The following SGCZ variants were observed in gnomAD, a reference collection of about 807,000 sequenced individuals.
SGCZ encodes the protein sarcoglycan zeta, also known as zeta-sarcoglycan.
In SGCZ, 40 loss-of-function variants were observed where a neutral mutation model predicts 41.3. The observed-to-expected ratio is 0.97, with a 90% CI of 0.75 to 1.26. The LOEUF (loss-of-function observed/expected upper bound fraction) is 1.26. Among genes scored for constraint, SGCZ ranks in the 50% most tolerant of loss-of-function variants. The pLI is 0.00. For missense variants in SGCZ, 552 were observed against 369.8 expected, an observed-to-expected ratio of 1.49 and a Z score of -4.04; for synonymous variants, 206 against 137.5, an observed-to-expected ratio of 1.50 and a Z score of -3.49.
intron 1 of SGCZ, among the ~76,000 whole-genome samples, chr8:14,781,481 G>A (rs911276110): frequency 1.3e-5 from 2 of 151,958 alleles, no homozygotes; most frequent in African/African-American, 2.4e-5. Context: ...TGCCCATCTC[G>A]GCCTCCCAAA....
At chr8:14,528,896 T>G (rs1004643529) in intron 2 of SGCZ, among the ~76,000 whole-genome samples, 7 of 151,196 alleles carry the variant, frequency 4.6e-5, no homozygotes, top group Non-Finnish European at 1.0e-4. Context: ...AAAGAAGCAT[T>G]TTTTTCATAT....
At chr8:14,104,300 G>C (rs190370358) in intron 6 of SGCZ, among the ~76,000 whole-genome samples, 86 of 152,174 alleles carry the variant, frequency 5.7e-4, no homozygotes, top group Admixed American at 1.8e-3. Flanking sequence ...GTGGGTACCT[G>C]GGATTATGGC....
At chr8:14,540,740 C>G (rs181155444) in intron 2 of SGCZ, among the ~76,000 whole-genome samples, 1 of 151,734 alleles carries the variant, frequency 6.6e-6, no homozygotes, top group Non-Finnish European at 1.5e-5. Context: ...GTAAGGCGTT[C>G]TGCTTCATAA....
intron 1 of SGCZ, among the ~76,000 whole-genome samples, chr8:14,573,717 T>C (rs972023700): frequency 2.0e-5 from 3 of 152,146 alleles, no homozygotes; most frequent in Non-Finnish European, 2.9e-5. Flanking sequence ...TTTACTTAAA[T>C]AAGGGTAGTA....
intron 1 of SGCZ, among the ~76,000 whole-genome samples, chr8:14,748,300 T>C (rs1158187201): frequency 6.6e-6 from 1 of 152,168 alleles, no homozygotes; most frequent in African/African-American, 2.4e-5. Context: ...GTTGGCAGAA[T>C]TCAATGCCCA....
chr8:14,479,316 G>T lies in SGCZ; in HGVS notation c.234+75416C>A, dbSNP rs571236536. On this transcript the variant is annotated intron_variant, in intron 2 of 7. Transcript: ENST00000382080. ...TCAACGGCAGGAAGCATTCAGCACGGGAGAAAAATAGAGGCCCGGAGACTC... is the reference window on the plus strand; with the variant it reads ...TCAACGGCAGGAAGCATTCAGCACGTGAGAAAAATAGAGGCCCGGAGACTC... Among the ~76,000 whole-genome samples the T allele has an allele frequency of 2.6e-5, 4 of 152,188 alleles. No individual in the cohort carries two copies. The South Asian group carries it at 6.2e-4, about 24-fold the overall frequency.
At chr8:14,610,755 A>G (rs1805901835) in intron 1 of SGCZ, among the ~76,000 whole-genome samples, 1 of 152,208 alleles carries the variant, frequency 6.6e-6, no homozygotes, top group South Asian at 2.1e-4. Context: ...CACTGCCTCA[A>G]GGAGAGGGAA....
At chr8:14,489,134 G>C (rs1337621385) in intron 2 of SGCZ, among the ~76,000 whole-genome samples, 1 of 151,738 alleles carries the variant, frequency 6.6e-6, no homozygotes, top group Non-Finnish European at 1.5e-5. Context: ...ATAAATTCCT[G>C]TGCATGTCAC....
In SGCZ at chr8:14,396,006, T is replaced by G. The variant is rs148192109; in HGVS notation, c.235-71802A>C. ...ACATCTAATGTATCCTCACTGTATG[T>G]GCGTTTATGATCGGAGAGAGGGTAC... On this transcript the variant is annotated intron_variant, in intron 2 of 7. Coordinates refer to ENST00000382080, the MANE Select transcript of SGCZ (RefSeq NM_139167.4). Among the ~76,000 whole-genome samples, 5 of 152,316 alleles carry G rather than the reference T, an allele frequency of 3.3e-5. No homozygotes were observed. In the East Asian group the frequency reaches 9.6e-4, roughly 29 times the overall value.
intron 1 of SGCZ, among the ~76,000 whole-genome samples, chr8:14,932,981 T>C (rs995370865): frequency 2.0e-5 from 3 of 151,960 alleles, no homozygotes; most frequent in African/African-American, 7.3e-5. Context: ...TTCTTGCTTA[T>C]AAGTAGGACC....
At chr8:14,668,396 A>G (rs530005431) in intron 1 of SGCZ, among the ~76,000 whole-genome samples, 6 of 152,248 alleles carry the variant, frequency 3.9e-5, no homozygotes, top group African/African-American at 1.4e-4. Context: ...TTGATTACTT[A>G]AAAAAATAAG....
At chr8:14,482,061 G>A (rs1042765607) in intron 2 of SGCZ, among the ~76,000 whole-genome samples, 2 of 152,136 alleles carry the variant, frequency 1.3e-5, no homozygotes, top group Non-Finnish European at 1.5e-5. Flanking sequence ...GGAGGACTAA[G>A]CGAGTATCTT....
intron 1 of SGCZ, among the ~76,000 whole-genome samples, chr8:15,187,209 C>G (rs1800375341): frequency 6.6e-6 from 1 of 152,084 alleles, no homozygotes; most frequent in South Asian, 2.1e-4. Context: ...TATTTCCTTT[C>G]AGCTCTATTC....
At chr8:14,369,016 T>C (rs1803815832) in intron 2 of SGCZ, among the ~76,000 whole-genome samples, 2 of 140,956 alleles carry the variant, frequency 1.4e-5, no homozygotes, top group African/African-American at 5.9e-5. Context: ...CAGAGGCAAA[T>C]GTAAATGTGT....
chr8:14,269,582 T>G (rs1047312094), intron 3 of SGCZ, among the ~76,000 whole-genome samples: 2 of 152,150 alleles, frequency 1.3e-5, no homozygotes, highest in Non-Finnish European at 1.5e-5. Context: ...CTTTCAACTT[T>G]CAAGTGATTT....
intron 3 of SGCZ, among the ~76,000 whole-genome samples, chr8:14,321,431 T>C (rs1025872726): frequency 6.6e-6 from 1 of 151,998 alleles, no homozygotes; most frequent in Non-Finnish European, 1.5e-5. Context: ...CAGCCCATAG[T>C]TGATTAGGTT....
chr8:15,003,001 C>T (rs1160468830), intron 1 of SGCZ, among the ~76,000 whole-genome samples: 1 of 152,104 alleles, frequency 6.6e-6, no homozygotes, highest in Non-Finnish European at 1.5e-5. Context: ...TGCTCTCTTG[C>T]CTGTCACCAT....
At chr8:14,395,497 C>T (rs1798888448) in intron 2 of SGCZ, among the ~76,000 whole-genome samples, 4 of 152,066 alleles carry the variant, frequency 2.6e-5, no homozygotes. Context: ...TACACTTGGG[C>T]TAATAACAAC....
intron 1 of SGCZ, among the ~76,000 whole-genome samples, chr8:14,559,944 G>A (rs190320580): frequency 3.5e-4 from 53 of 152,172 alleles, no homozygotes; most frequent in Non-Finnish European, 7.1e-4. Context: ...ATTATGTTAT[G>A]TAACATAAGT....
Sources: allele counts gnomAD v4.1 joint callset (sites outside exome capture counted in the v4.1 genomes callset), GRCh38; gene constraint gnomAD v4.1.1; transcripts MANE v1.5; gene names NCBI Gene and HGNC (gene_info 2026-07-23, HGNC 2026-07-21).